The following GPC6 variants were observed in gnomAD, a reference collection of about 807,000 sequenced individuals.
GPC6 encodes glypican-6.
GPC6 carries 14 observed loss-of-function variants against 55.2 expected under a neutral mutation model. That is an observed-to-expected ratio of 0.25 (90% CI 0.17 to 0.40). GPC6 has a LOEUF of 0.40. Ranked by LOEUF, GPC6 falls within the 10% of genes least tolerant of loss-of-function variation. The pLI, the probability that GPC6 is intolerant of heterozygous loss-of-function variation, is 1.00. For synonymous variants in GPC6, 278 were observed against 259.6 expected (o/e 1.07, Z -0.68); for missense variants, 641 against 708.5 (o/e 0.90, Z 1.08).
intron 3 of GPC6, among the ~76,000 whole-genome samples, chr13:93,837,715 G>A (rs1336574411): frequency 6.6e-6 from 1 of 152,186 alleles, no homozygotes; most frequent in East Asian, 1.9e-4. Flanking sequence ...CATTTATTAT[G>A]CAATAAATGC....
At chr13:94,121,102 C>G (rs2138853728) in intron 4 of GPC6, among the ~76,000 whole-genome samples, 1 of 152,198 alleles carries the variant, frequency 6.6e-6, no homozygotes, top group African/African-American at 2.4e-5. Context: ...GGGTACAGAT[C>G]TAGTGCAGAG....
intron 2 of GPC6, among the ~76,000 whole-genome samples, chr13:93,820,456 G>A (rs1887005173): frequency 6.6e-6 from 1 of 151,968 alleles, no homozygotes; most frequent in African/African-American, 2.4e-5. Flanking sequence ...ATGTGTTACA[G>A]TATTTTTAAC....
chr13:93,806,728 G>A (rs903961236), intron 2 of GPC6, among the ~76,000 whole-genome samples: 1 of 152,118 alleles, frequency 6.6e-6, no homozygotes, highest in African/African-American at 2.4e-5. Context: ...ACAATGTTAG[G>A]ATTCTTAGCT....
At chr13:93,445,413 A>G (rs1428033124) in intron 1 of GPC6, among the ~76,000 whole-genome samples, 1 of 152,184 alleles carries the variant, frequency 6.6e-6, no homozygotes, top group Non-Finnish European at 1.5e-5. Flanking sequence ...ATTAAACTAA[A>G]TTGCAATTCT....
intron 2 of GPC6, among the ~76,000 whole-genome samples, chr13:93,769,579 C>G (rs916320586): frequency 3.3e-5 from 5 of 152,134 alleles, no homozygotes; most frequent in African/African-American, 1.2e-4. Flanking sequence ...CTCCTGATAT[C>G]CATTCATTCA....
intron 2 of GPC6, among the ~76,000 whole-genome samples, chr13:93,556,368 TAAATA>T (rs1875465775): frequency 7.6e-6 from 1 of 131,150 alleles, no homozygotes; most frequent in Non-Finnish European, 1.6e-5. Context: ...TTTTTGTGGG[TAAATA>T]GTGTGTGTGT....
At chr13:93,746,972 A>AT (rs1439884327) in intron 2 of GPC6, among the ~76,000 whole-genome samples, 1 of 152,224 alleles carries the variant, frequency 6.6e-6, no homozygotes, top group East Asian at 1.9e-4. Flanking sequence ...ATATGTGAAC[A>AT]TGTTCAAAGG....
chr13:94,364,664 A>C (rs1879210777), intron 6 of GPC6, among the ~76,000 whole-genome samples: 1 of 152,106 alleles, frequency 6.6e-6, no homozygotes, highest in South Asian at 2.1e-4. Flanking sequence ...GGTTAATTGA[A>C]GGCAGGACCA....
intron 1 of GPC6, among the ~76,000 whole-genome samples, chr13:93,404,871 ATAC>A (rs1240080746): frequency 1.3e-5 from 2 of 152,190 alleles, no homozygotes; most frequent in Non-Finnish European, 2.9e-5. Context: ...TTTAAAATAA[ATAC>A]TATCACATAG....
intron 1 of GPC6, among the ~76,000 whole-genome samples, chr13:93,259,797 T>A (rs929231081): frequency 6.6e-5 from 10 of 152,042 alleles, no homozygotes; most frequent in Non-Finnish European, 8.8e-5. Flanking sequence ...ATGATTTTTT[T>A]AATAATAATA....
chr13:93,767,712 G>GAAGGA (rs371459964), intron 2 of GPC6, among the ~76,000 whole-genome samples: 1 of 152,256 alleles, frequency 6.6e-6, no homozygotes, highest in African/African-American at 2.4e-5. Flanking sequence ...TACCATCAAA[G>GAAGGA]AAGGGCCTGA....
chr13:93,796,594 A>G (rs1886204729), intron 2 of GPC6, among the ~76,000 whole-genome samples: 1 of 152,210 alleles, frequency 6.6e-6, no homozygotes, highest in African/African-American at 2.4e-5. Context: ...GGCTTTTCCA[A>G]TCCTAGAGGG....
At chr13:93,738,426 C>T (rs1884076802) in intron 2 of GPC6, among the ~76,000 whole-genome samples, 1 of 152,062 alleles carries the variant, frequency 6.6e-6, no homozygotes. Flanking sequence ...CAGTTTTTTC[C>T]CATATATTAG....
At chr13:93,294,145 C>A (rs779685386) in intron 1 of GPC6, among the ~76,000 whole-genome samples, 1 of 151,864 alleles carries the variant, frequency 6.6e-6, no homozygotes, top group Non-Finnish European at 1.5e-5. Context: ...ATTTGGATAC[C>A]CTTTCTCCAA....
Position 93,287,079 on chromosome 13 carries a change from T to C in GPC6, c.160+59463T>C, listed in dbSNP as rs148341877. Among the ~76,000 whole-genome samples the C allele has an allele frequency of 3.4e-3, 520 of 152,258 alleles. 3 individuals are homozygous for C. The highest frequency in any genetic ancestry group is 0.011 in the African/African-American group (470 of 41,550). ...AGGCATATTTGAAACATAAGTGAAT[T>C]TCATGTTTAAACTTGGGTCTGACCC... On this transcript the variant is annotated intron_variant, in intron 1 of 8. Transcript: ENST00000377047.
At chr13:93,771,270 C>CAAA (rs1331991124) in intron 2 of GPC6, among the ~76,000 whole-genome samples, 1 of 152,186 alleles carries the variant, frequency 6.6e-6, no homozygotes, top group East Asian at 1.9e-4. Flanking sequence ...AGCCTGAGCA[C>CAAA]TTTACTGGAT....
intron 1 of GPC6, among the ~76,000 whole-genome samples, chr13:93,429,936 C>A (rs562694570): frequency 1.3e-5 from 2 of 152,102 alleles, no homozygotes; most frequent in Non-Finnish European, 2.9e-5. Flanking sequence ...CTCAGACTTA[C>A]GATTTGACCA....
intron 1 of GPC6, among the ~76,000 whole-genome samples, chr13:93,270,624 C>G (rs1444079314): frequency 3.3e-5 from 5 of 151,730 alleles, no homozygotes; most frequent in Admixed American, 3.3e-4. Flanking sequence ...TATTTAGAAG[C>G]CTCTTCTGCC....
chr13:94,384,540 AGG>A (rs1157241270), intron 7 of GPC6, among the ~76,000 whole-genome samples: 1 of 150,744 alleles, frequency 6.6e-6, no homozygotes, highest in Non-Finnish European at 1.5e-5. Context: ...TTCTTACAAA[AGG>A]AAATATTTTT....
Sources: allele counts gnomAD v4.1 joint callset (sites outside exome capture counted in the v4.1 genomes callset), GRCh38; gene constraint gnomAD v4.1.1; transcripts MANE v1.5; gene names NCBI Gene and HGNC (gene_info 2026-07-23, HGNC 2026-07-21).